The following REV1 variants were observed in gnomAD, a reference collection of about 807,000 sequenced individuals.
REV1 encodes translesion synthesis protein REV1.
REV1 carries 42 observed loss-of-function variants against 137.4 expected under a neutral mutation model. That is an observed-to-expected ratio of 0.31 (90% CI 0.24 to 0.40). The LOEUF (loss-of-function observed/expected upper bound fraction) is 0.40, where lower values mean the gene tolerates loss of function less well. Among genes scored for constraint, REV1 ranks in the 10% least tolerant of loss-of-function variants. The probability of loss-of-function intolerance (pLI) is 1.00; values close to 1 mark genes in which losing one functional copy is unlikely to be tolerated. For missense variants in REV1, 1,282 were observed against 1,490.1 expected, an observed-to-expected ratio of 0.86 and a Z score of 2.30; for synonymous variants, 524 against 519.2, an observed-to-expected ratio of 1.01 and a Z score of -0.12.
At chr2:99,484,261 G>A (rs183266427) in intron 1 of REV1, among the ~76,000 whole-genome samples, 3 of 152,236 alleles carry the variant, frequency 2.0e-5, no homozygotes, top group Admixed American at 2.0e-4. Flanking sequence ...AGCAGAAAAA[G>A]TAACTATTGT....
chr2:99,469,217 C>G (rs1286698613), intron 1 of REV1, among the ~76,000 whole-genome samples: 1 of 152,026 alleles, frequency 6.6e-6, no homozygotes. Flanking sequence ...TGCTTTTTTT[C>G]CCCCGTAAGT....
At chr2:99,470,363 G>C (rs1482324784) in intron 1 of REV1, among the ~76,000 whole-genome samples, 2 of 152,110 alleles carry the variant, frequency 1.3e-5, no homozygotes, top group Admixed American at 6.5e-5. Flanking sequence ...GTATACATTT[G>C]TAAAAAGCAA....
intron 1 of REV1, among the ~76,000 whole-genome samples, chr2:99,484,401 CAT>C (rs1402962621): frequency 2.0e-5 from 3 of 152,094 alleles, no homozygotes; most frequent in African/African-American, 7.2e-5. Context: ...AAAATTGCCC[CAT>C]AGTCAGCAGG....
chr2:99,424,056 G>T, intron 10 of REV1, 96 bp downstream of exon 10: 1 of 1,305,112 alleles, frequency 7.7e-7, no homozygotes, highest in Non-Finnish European at 1.0e-6. Flanking sequence ...TCTAACAAAA[G>T]TGATCCTGAC....
intron 1 of REV1, among the ~76,000 whole-genome samples, chr2:99,473,421 A>C (rs1158164425): frequency 1.3e-5 from 2 of 152,040 alleles, no homozygotes; most frequent in Non-Finnish European, 2.9e-5. Flanking sequence ...TCAGACACCT[A>C]GGTGAAGGGC....
chr2:99,412,758 C>T lies in REV1; in HGVS notation c.2145G>A (p.Glu715=). Residue 715 remains glutamate (E), a synonymous_variant, in exon 13 of 23, where the codon GAG becomes GAA. Coordinates refer to ENST00000258428, the MANE Select transcript of REV1 (RefSeq NM_016316.4). ...GAGTAAACCTTATTCCATAGTTGAT[C>T]TCAGCTGAAACAGATTTTCTTTCCT... The part of the protein sequence containing the change: ...TEKERKSVSA[E]INYGIRFTQP... 1.2e-6 allele frequency: 2 copies of T among 1,613,976 alleles called. No individual in the cohort carries two copies. The highest frequency in any genetic ancestry group is 2.2e-5 in the South Asian group (2 of 91,076).
At position 99,408,107 on chromosome 2, in the gene REV1, T is replaced by A; in HGVS notation, c.2370A>T (p.Thr790=). 1 of 1,609,992 alleles carries A rather than the reference T, an allele frequency of 6.2e-7. No individual in the cohort carries two copies. The highest frequency in any genetic ancestry group is 1.1e-5 in the South Asian group (1 of 90,338). Residue 790 remains threonine, a synonymous_variant, in exon 15 of 23, where the codon ACA becomes ACT. Transcript: ENST00000258428. ...CCTTTCCAATTATTTTTGCATTATC[T>A]GTTGCCTGGTCAAGAGTTACAGTCC... ...IARTVTLDQA[T]DNAKIIGKAM...
intron 1 of REV1, 59 bp from the exon 2 acceptor site, chr2:99,465,044 T>C: frequency 1.5e-6 from 2 of 1,329,896 alleles, no homozygotes; most frequent in Non-Finnish European, 2.1e-6. Flanking sequence ...TTCTAAATGA[T>C]ATTTTATTTC....
chr2:99,407,080 C>T (rs867675083), intron 15 of REV1, among the ~76,000 whole-genome samples: 990 of 59,910 alleles, frequency 0.017, 5 homozygotes, highest in Middle Eastern at 0.026. Flanking sequence ...TACAAAGGTT[C>T]TTTTTTTTTT....
chr2:99,458,937 G>A (rs542974405), intron 3 of REV1, among the ~76,000 whole-genome samples: 20 of 152,116 alleles, frequency 1.3e-4, no homozygotes, highest in South Asian at 1.0e-3. Flanking sequence ...GGCCGGGCGC[G>A]GTGGCTCACA....
chr2:99,445,848 C>G (rs1471615990), intron 4 of REV1, among the ~76,000 whole-genome samples: 1 of 152,186 alleles, frequency 6.6e-6, no homozygotes, highest in East Asian at 1.9e-4. Flanking sequence ...ATACAGACAT[C>G]AGGGAACTGA....
At chr2:99,407,080 C>CTT (rs869170472) in intron 15 of REV1, among the ~76,000 whole-genome samples, 13,526 of 59,658 alleles carry the variant, frequency 0.23, 4,866 homozygotes, top group East Asian at 0.35. Flanking sequence ...TACAAAGGTT[C>CTT]TTTTTTTTTT....
rs1300760486 is a variant in REV1 at position 99,400,567 on chromosome 2, T to C, written c.*674A>G. The C allele has an allele frequency of 1.3e-5, 2 of 152,202 alleles. No homozygotes were observed. The highest frequency in any genetic ancestry group is 4.8e-5 in the African/African-American group (2 of 41,436). The allele number at this position is 152,202 out of a possible 1,614,324, so 9.4% of individuals were successfully genotyped here. A position where few individuals can be genotyped will look rare whatever the true frequency, so the allele number is the denominator to read the frequency against. ...GTTTGAAAAATCTATACCGTTCTTT[T>C]TTATCATCAAAGTTTCTCAATGGCC... On this transcript the variant is annotated 3_prime_UTR_variant, in exon 23 of 23. Coordinates refer to ENST00000258428, the MANE Select transcript of REV1 (RefSeq NM_016316.4).
At chr2:99,482,908 T>G (rs968652475) in intron 1 of REV1, among the ~76,000 whole-genome samples, 9 of 151,654 alleles carry the variant, frequency 5.9e-5, no homozygotes, top group Non-Finnish European at 1.2e-4. Flanking sequence ...TCTCAACCAC[T>G]TGGGAGGCTG....
intron 3 of REV1, chr2:99,451,607 T>C (rs4851206): frequency 0.42 from 263,981 of 626,990 alleles, 58,114 homozygotes; most frequent in Admixed American, 0.64. Context: ...TTGTTTAACT[T>C]CTTTAGGCTT....
Position 99,404,462 on chromosome 2 carries a change from G to A in REV1, c.3027C>T (p.Ala1009=), listed in dbSNP as rs775637802. ...SNSDAGINLI[A]LPAFSQVDPE... ...AACTTACCTGTGAAAATGCTGGAAG[G>A]GCTATTAAATTTATTCCTGCGTCAC... Residue 1009 remains alanine, a synonymous_variant, in exon 18 of 23, where the codon GCC becomes GCT. Coordinates refer to ENST00000258428, the MANE Select transcript of REV1 (RefSeq NM_016316.4). 6.2e-7 allele frequency: 1 copy of A among 1,613,848 alleles called. No homozygotes were observed. Among genetic ancestry groups the A allele is most frequent in the Admixed American group, 1.7e-5 (1 of 59,984 alleles).
chr2:99,421,080 G>C (rs1678600573), intron 11 of REV1, among the ~76,000 whole-genome samples: 1 of 152,186 alleles, frequency 6.6e-6, no homozygotes, highest in African/African-American at 2.4e-5. Context: ...AGCACTTGGA[G>C]TCAGGGTGAC....
At chr2:99,419,431 C>G (rs755945616) in intron 11 of REV1, among the ~76,000 whole-genome samples, 2 of 151,750 alleles carry the variant, frequency 1.3e-5, no homozygotes, top group Non-Finnish European at 2.9e-5. Flanking sequence ...AGGATGGTCT[C>G]GATCTCCTGA....
intron 12 of REV1, among the ~76,000 whole-genome samples, chr2:99,416,912 C>CAAAAAAAAAAAAAAA (rs755184253): frequency 2.5e-3 from 192 of 77,754 alleles, no homozygotes; most frequent in East Asian, 4.7e-3. Context: ...GACTCCATCT[C>CAAAAAAAAAAAAAAA]AAAAAAAAAA....
Sources: gnomAD v4.1 joint callset for allele counts (sites outside exome capture counted in the v4.1 genomes callset) on GRCh38, gnomAD v4.1.1 for gene constraint, MANE v1.5 for transcripts, NCBI Gene and HGNC (gene_info 2026-07-23, HGNC 2026-07-21) for gene names.